TDRKH: variants seen among roughly 807,000 people sequenced by gnomAD.
TDRKH encodes tudor and KH domain containing.
A neutral mutation model predicts 61.3 loss-of-function variants in TDRKH; 28 were observed. The ratio of observed to expected loss-of-function variants is 0.46; its 90% confidence interval spans 0.34 to 0.63. The LOEUF is 0.63. Among genes scored for constraint, TDRKH ranks in the 20% least tolerant of loss-of-function variants. The probability of loss-of-function intolerance (pLI) is 0.01; values close to 1 mark genes in which losing one functional copy is unlikely to be tolerated. For synonymous variants in TDRKH, 219 were observed against 244.4 expected, an observed-to-expected ratio of 0.90 and a Z score of 0.97; for missense variants, 540 against 683.4, an observed-to-expected ratio of 0.79 and a Z score of 2.34.
At chr1:151,774,652 G>C in intron 12 of TDRKH, 58 bp downstream of exon 12, 1 of 1,600,914 alleles carries the variant, frequency 6.2e-7, no homozygotes, top group African/African-American at 1.3e-5. Flanking sequence ...ACTCTGGAAA[G>C]ACTGAATGAG....
intron 6 of TDRKH, among the ~76,000 whole-genome samples, 168 bp from the exon 7 acceptor site, chr1:151,776,767 A>C (rs1442578050): frequency 6.6e-6 from 1 of 152,250 alleles, no homozygotes; most frequent in Non-Finnish European, 1.5e-5. Context: ...AAAGATACTA[A>C]GCTATCCTTT....
At position 151,780,046 on chromosome 1, in the gene TDRKH, C is replaced by G; in HGVS notation, c.326G>C (p.Cys109Ser). Residue 109 changes from cysteine to serine, a missense_variant, in exon 4 of 13, where the codon TGC becomes TCC. Physicochemically the swap from Cys to Ser is moderately radical, Grantham distance 112. Around this residue, in one of 3 missense-constraint regions of TDRKH, gnomAD observed 156 missense variants for 218.0 expected, o/e 0.72. Transcript: ENST00000368824. ...LLISGFPVQV[C>S]KAKAAIHQIL... is the part of the protein sequence containing the mutation. ...CTGATGGATTGCTGCTTTGGCCTTG[C>G]ACACCTGAACAGGAAAACCACTGAT... is the stretch of plus-strand genomic sequence containing the variant. 1 of 1,614,208 alleles carries G rather than the reference C, an allele frequency of 6.2e-7. No individual in the cohort carries two copies. Among genetic ancestry groups the G allele is most frequent in the Non-Finnish European group, 8.5e-7 (1 of 1,180,036 alleles).
At chr1:151,787,572 A>G (rs61815098) in intron 1 of TDRKH, among the ~76,000 whole-genome samples, 61,784 of 151,854 alleles carry the variant, frequency 0.41, 13,468 homozygotes, top group Non-Finnish European at 0.5. Context: ...TTATTAATGC[A>G]TCTTGGTTAA....
rs945634671 is a variant in TDRKH at position 151,773,578 on chromosome 1, A to C, written c.*874T>G. ...ACTCTTCCTCTCTCTCCACGGGTGT[A>C]TATGTGTGTATACATATAGATATTA... On this transcript the variant is annotated 3_prime_UTR_variant, in exon 13 of 13. Transcript: ENST00000368824. The C allele has an allele frequency of 6.6e-6, 1 of 152,598 alleles. No individual in the cohort carries two copies. Among genetic ancestry groups the C allele is most frequent in the Non-Finnish European group, 1.5e-5 (1 of 68,044 alleles). The allele number at this position is 152,598 out of a possible 1,614,324, so 9.5% of individuals were successfully genotyped here.
In TDRKH at chr1:151,775,708, C is replaced by T; in HGVS notation, c.1282+112G>A. The T allele has an allele frequency of 2.7e-6, 4 of 1,491,664 alleles. No individual in the cohort carries two copies. In the Admixed American group the frequency reaches 7.9e-5, roughly 30 times the overall value. 92.4% of individuals were successfully genotyped at this position (1,491,664 alleles called of 1,614,324 possible). ...GCTGCTAGTGCTGGTGAGGAAAAGG[C>T]ACCTGAGTCCCCAGAATTCAAAAAG... On this transcript the variant is annotated intron_variant, in intron 9 of 12. Transcript: ENST00000368824.
intron 3 of TDRKH, 21 bp downstream of exon 3, chr1:151,781,460 A>T: frequency 1.9e-6 from 3 of 1,602,220 alleles, no homozygotes; most frequent in Non-Finnish European, 2.6e-6. Flanking sequence ...GGGAAAGCAG[A>T]CTGCCTACTC....
chr1:151,790,119 C>T (rs542178001), intron 1 of TDRKH, among the ~76,000 whole-genome samples: 28 of 152,340 alleles, frequency 1.8e-4, no homozygotes, highest in Admixed American at 1.7e-3. Flanking sequence ...TGACTCAGGG[C>T]AAACACAAAC....
At chr1:151,781,301 G>GA (rs1335589589) in intron 3 of TDRKH, among the ~76,000 whole-genome samples, 180 bp downstream of exon 3, 1 of 87,042 alleles carries the variant, frequency 1.1e-5, no homozygotes, top group Non-Finnish European at 2.8e-5. Context: ...TGGACAACAA[G>GA]AGCGAAACTC....
chr1:151,770,448 A>G (rs1648636933), downstream of TDRKH: 1 of 748,500 alleles, frequency 1.3e-6, no homozygotes, highest in South Asian at 1.9e-5. Flanking sequence ...GACTCTGAGG[A>G]AGCCCCTGCA....
Position 151,774,462 on chromosome 1 carries a change from T to C in TDRKH, c.1676A>G (p.Tyr559Cys), listed in dbSNP as rs746401832. Reference sequence around the variant, plus strand: ...ACTGAAGCCCAGACTTCAGAGTAAGTAGTCATCTTCAAGGTTATCATCACC... The same window carrying C: ...ACTGAAGCCCAGACTTCAGAGTAAGCAGTCATCTTCAAGGTTATCATCACC... Reference protein sequence around the residue: ...MSGDDNLEDDYLL With the variant: ...MSGDDNLEDDCLL The change falls in exon 13 of 13, where the codon TAC becomes TGC. Residue 559 changes from tyrosine (Y) to cysteine (C), a missense_variant. Tyr to Cys is a radical substitution (Grantham distance 194). Coordinates refer to ENST00000368824, the MANE Select transcript of TDRKH (RefSeq NM_001083965.2). The C allele has an allele frequency of 1.2e-6, 2 of 1,614,124 alleles. No homozygotes were observed. The highest frequency in any genetic ancestry group is 1.7e-6 in the Non-Finnish European group (2 of 1,180,014).
In TDRKH at chr1:151,776,553, G is replaced by C. The variant is rs1305408511; in HGVS notation, c.930C>G (p.Val310=). Reference sequence around the variant, plus strand: ...TAGGGTGCTCAGAAGCAGAAACGTAGACTTCTAGGTACTCATCAGCATGAA... The same window carrying C: ...TAGGGTGCTCAGAAGCAGAAACGTACACTTCTAGGTACTCATCAGCATGAA... ...FSFHADEYLE[V]YVSASEHPNH... Residue 310 remains valine, a synonymous_variant, in exon 7 of 13, where the codon GTC becomes GTG. Coordinates refer to ENST00000368824, the MANE Select transcript of TDRKH (RefSeq NM_001083965.2). 6.2e-7 allele frequency: 1 copy of C among 1,614,138 alleles called. No individual in the cohort carries two copies. Among genetic ancestry groups the C allele is most frequent in the Admixed American group, 1.7e-5 (1 of 60,010 alleles).
At chr1:151,766,505 T>C (rs1648363128), downstream of TDRKH, 2 of 555,210 alleles carry the variant, frequency 3.6e-6, no homozygotes, top group African/African-American at 1.9e-5. Flanking sequence ...TATTTTTTAA[T>C]CATTCATACA....
At chr1:151,789,891 G>A (rs1178983044) in intron 1 of TDRKH, among the ~76,000 whole-genome samples, 1 of 152,088 alleles carries the variant, frequency 6.6e-6, no homozygotes, top group Non-Finnish European at 1.5e-5. Flanking sequence ...CTAAAAGTCA[G>A]TCTTTGAAAT....
intron 4 of TDRKH, 63 bp downstream of exon 4, chr1:151,779,888 G>A: frequency 6.7e-7 from 1 of 1,498,814 alleles, no homozygotes; most frequent in Non-Finnish European, 9.0e-7. Flanking sequence ...ACCCTGGGAA[G>A]GTGTGAAAGA....
chr1:151,768,065 AC>A, downstream of TDRKH: 2 of 1,613,974 alleles, frequency 1.2e-6, no homozygotes, highest in South Asian at 2.2e-5. Flanking sequence ...CAGGCTGGGA[AC>A]TTGACGGTGC....
At position 151,776,353 on chromosome 1, in the gene TDRKH, G is replaced by A. The variant is rs3811413; in HGVS notation, c.1045-85C>T. ...ATTGCAGGAGGAAGAAAGAAAAGTA[G>A]TTGCTCCACAGGGAAAGGAAGAGTA... is the stretch of plus-strand genomic sequence containing the variant. On this transcript the variant is annotated intron_variant, in intron 7 of 12. Transcript: ENST00000368824. 0.035 allele frequency: 55,928 copies of A among 1,593,974 alleles called. 7,246 individuals carry two copies. The East Asian group carries it at 0.36, about 10-fold the overall frequency.
chr1:151,782,731 C>G (rs924081607), intron 2 of TDRKH, 168 bp downstream of exon 2: 6 of 760,504 alleles, frequency 7.9e-6, no homozygotes, highest in Admixed American at 7.5e-5. Context: ...GATTGTGCCA[C>G]TGTACGCCAG....
downstream of TDRKH, chr1:151,771,856 T>C: frequency 2.5e-6 from 1 of 398,412 alleles, no homozygotes. Flanking sequence ...ACATTACTCA[T>C]TTTCCAGGGT....
In TDRKH at chr1:151,782,958, C is replaced by A. The variant is rs1474841348; in HGVS notation, c.65G>T (p.Gly22Val). 2 of 1,613,624 alleles carry A rather than the reference C, an allele frequency of 1.2e-6. No individual in the cohort carries two copies. The highest frequency in any genetic ancestry group is 2.2e-5 in the East Asian group (1 of 44,840). The change falls in exon 2 of 13, where the codon GGG (glycine) becomes GTG (valine). Residue 22 changes from glycine to valine, a missense_variant. Physicochemically the swap from Gly to Val is moderately radical, Grantham distance 109 (BLOSUM62 -3). Transcript: ENST00000368824. Reference protein sequence around the residue: ...STIQKIALGLGIPASATVAYI... With the variant: ...STIQKIALGLVIPASATVAYI... ...GGCAACTGTTGCACTGGCTGGGATC[C>A]CAAGGCCCAGGGCTATTTTCTGAAT...
Sources: gnomAD v4.1 joint callset for allele counts (sites outside exome capture counted in the v4.1 genomes callset) on GRCh38, gnomAD v4.1.1 for gene constraint, gnomAD v4.1.1 regional missense constraint, MANE v1.5 for transcripts, NCBI Gene and HGNC (gene_info 2026-07-23, HGNC 2026-07-21) for gene names.